Variants in SCHIP1 observed in about 807,000 individuals in gnomAD.
SCHIP1 encodes the protein schwannomin interacting protein 1.
Under a neutral mutation model 29.7 loss-of-function variants are expected in SCHIP1, and 8 were observed. That is an observed-to-expected ratio of 0.27 (90% CI 0.16 to 0.49). The LOEUF (loss-of-function observed/expected upper bound fraction) is 0.49. Among genes scored for constraint, SCHIP1 ranks in the 20% least tolerant of loss-of-function variants. SCHIP1 has a pLI of 0.99. For synonymous variants in SCHIP1, 76 were observed against 94.9 expected, an observed-to-expected ratio of 0.80 and a Z score of 1.16; for missense variants, 193 against 294.6, an observed-to-expected ratio of 0.66 and a Z score of 2.52.
chr3:159,669,073 C>T, the SCHIP1 span, among the ~76,000 whole-genome samples: 2 of 152,168 alleles, frequency 1.3e-5, no homozygotes, highest in African/African-American at 2.4e-5. Flanking sequence ...TGTTTAGGAG[C>T]AAGCCATGCC....
the SCHIP1 span, among the ~76,000 whole-genome samples, chr3:159,644,184 G>A: frequency 6.6e-6 from 1 of 152,152 alleles, no homozygotes; most frequent in African/African-American, 2.4e-5. Flanking sequence ...TAAGTCAGCA[G>A]CAATACTGCA....
the SCHIP1 span, among the ~76,000 whole-genome samples, chr3:159,540,033 C>A: frequency 6.6e-6 from 1 of 152,000 alleles, no homozygotes; most frequent in Non-Finnish European, 1.5e-5. Context: ...CAGGTATAAT[C>A]TTTCTTGTCC....
the SCHIP1 span, among the ~76,000 whole-genome samples, chr3:159,522,364 A>G: frequency 6.6e-6 from 1 of 152,252 alleles, no homozygotes; most frequent in African/African-American, 2.4e-5. Flanking sequence ...TGTAAAGCAT[A>G]GGGCGTGTGT....
the SCHIP1 span, among the ~76,000 whole-genome samples, chr3:159,445,086 G>C: frequency 4.6e-5 from 7 of 152,014 alleles, no homozygotes; most frequent in Admixed American, 2.0e-4. Context: ...AGAGTGAACA[G>C]GCAACCTACA....
the SCHIP1 span, among the ~76,000 whole-genome samples, chr3:159,600,039 A>G: frequency 6.6e-6 from 1 of 152,124 alleles, no homozygotes; most frequent in Non-Finnish European, 1.5e-5. Flanking sequence ...ATATCATCCC[A>G]TTCTCTTCTG....
the SCHIP1 span, among the ~76,000 whole-genome samples, chr3:159,336,159 T>C: frequency 1.3e-5 from 2 of 152,388 alleles, no homozygotes; most frequent in African/African-American, 4.8e-5. Flanking sequence ...GAAGTGTCTG[T>C]TCATATCCTT....
chr3:159,300,732 C>G, the SCHIP1 span, among the ~76,000 whole-genome samples: 9 of 152,150 alleles, frequency 5.9e-5, no homozygotes, highest in Non-Finnish European at 8.8e-5. Flanking sequence ...TGATAATGCC[C>G]TATGGTTCCC....
At chr3:159,845,957 A>T (rs1203387261) in intron 1 of SCHIP1, 1 of 151,986 alleles carries the variant, frequency 6.6e-6, no homozygotes, top group African/African-American at 2.4e-5. Flanking sequence ...TAAACATCTC[A>T]TGTGCCAGAA....
At chr3:159,825,564 A>G in the SCHIP1 span, among the ~76,000 whole-genome samples, 1 of 152,104 alleles carries the variant, frequency 6.6e-6, no homozygotes, top group Non-Finnish European at 1.5e-5. Context: ...TCACAGGCAC[A>G]CTCCTGCCCT....
chr3:159,738,201 A>G, the SCHIP1 span, among the ~76,000 whole-genome samples: 3 of 151,978 alleles, frequency 2.0e-5, no homozygotes, highest in African/African-American at 7.2e-5. Flanking sequence ...GGAAAAGTCA[A>G]TCTTTTAGAA....
the SCHIP1 span, among the ~76,000 whole-genome samples, chr3:159,320,985 G>A: frequency 9.2e-5 from 14 of 151,994 alleles, no homozygotes; most frequent in Non-Finnish European, 1.8e-4. Flanking sequence ...CTTTTTTTGA[G>A]ACAGAATCTC....
At chr3:159,680,482 C>T in the SCHIP1 span, among the ~76,000 whole-genome samples, 2 of 136,026 alleles carry the variant, frequency 1.5e-5, no homozygotes, top group Non-Finnish European at 3.0e-5. Flanking sequence ...GCACTCCAGC[C>T]TGGTGACAGA....
the SCHIP1 span, among the ~76,000 whole-genome samples, chr3:159,599,850 T>A: frequency 6.6e-6 from 1 of 152,236 alleles, no homozygotes; most frequent in African/African-American, 2.4e-5. Context: ...TGATGGTAGA[T>A]GTCTCCTTTC....
At chr3:159,338,094 T>C in the SCHIP1 span, among the ~76,000 whole-genome samples, 2 of 152,294 alleles carry the variant, frequency 1.3e-5, no homozygotes, top group East Asian at 3.9e-4. Context: ...CCAGGAACTT[T>C]TCTAGATGCT....
At chr3:159,576,700 T>C in the SCHIP1 span, among the ~76,000 whole-genome samples, 1 of 152,316 alleles carries the variant, frequency 6.6e-6, no homozygotes, top group South Asian at 2.1e-4. Context: ...CCTGGCTTTG[T>C]GAAGAGGTCC....
At chr3:159,509,083 T>C in the SCHIP1 span, among the ~76,000 whole-genome samples, 3 of 152,176 alleles carry the variant, frequency 2.0e-5, no homozygotes, top group Non-Finnish European at 2.9e-5. Flanking sequence ...AAGTCTCCCA[T>C]TATTATTGTG....
chr3:159,393,635 G>T, the SCHIP1 span, among the ~76,000 whole-genome samples: 1 of 148,030 alleles, frequency 6.8e-6, no homozygotes, highest in South Asian at 2.2e-4. Flanking sequence ...GATATGTGGC[G>T]TTATTTCTGA....
the SCHIP1 span, among the ~76,000 whole-genome samples, chr3:159,601,135 G>C: frequency 6.6e-6 from 1 of 152,112 alleles, no homozygotes. Context: ...GATGATTCTT[G>C]AGCCTCCAAG....
chr3:159,472,755 A>C, the SCHIP1 span, among the ~76,000 whole-genome samples: 1 of 152,254 alleles, frequency 6.6e-6, no homozygotes, highest in East Asian at 1.9e-4. Context: ...AGGCTGTAAA[A>C]CTTAAGGAGC....
Sources: allele counts gnomAD v4.1 joint callset (sites outside exome capture counted in the v4.1 genomes callset), GRCh38; gene constraint gnomAD v4.1.1; transcripts MANE v1.5; gene names NCBI Gene and HGNC (gene_info 2026-07-23, HGNC 2026-07-21).